ZNF730: variants seen among roughly 807,000 people sequenced by gnomAD.
ZNF730 encodes zinc finger protein 730.
Under a neutral mutation model 12.6 loss-of-function variants are expected in ZNF730, and 12 were observed. The ratio of observed to expected loss-of-function variants is 0.95; its 90% CI spans 0.61 to 1.54. The LOEUF (loss-of-function observed/expected upper bound fraction) is 1.54. Ranked by LOEUF, ZNF730 falls within the 40% of genes most tolerant of loss-of-function variation. The probability of loss-of-function intolerance (pLI) is 0.00; values close to 1 mark genes in which losing one functional copy is unlikely to be tolerated. For synonymous variants in ZNF730, 194 were observed against 195.8 expected (o/e 0.99, Z 0.08); for missense variants, 643 against 583.5 (o/e 1.10, Z -1.05).
chr19:23,115,231 G>A (rs1970504754), upstream of ZNF730, among the ~76,000 whole-genome samples: 1 of 152,120 alleles, frequency 6.6e-6, no homozygotes, highest in Admixed American at 6.5e-5. Context: ...TTTGATCTAT[G>A]GAGGTGCCTG....
upstream of ZNF730, among the ~76,000 whole-genome samples, chr19:23,112,938 CT>C (rs1970475553): frequency 2.0e-5 from 3 of 152,142 alleles, no homozygotes; most frequent in East Asian, 1.9e-4. Flanking sequence ...TTTTTTCCCC[CT>C]GGTTTAGAGT....
At chr19:23,128,183 C>G (rs2145636426) in intron 1 of ZNF730, 2 of 830,312 alleles carry the variant, frequency 2.4e-6, no homozygotes, top group East Asian at 4.9e-5. Context: ...GGAGGCTTGT[C>G]TATCCCTCAC....
chr19:23,127,177 T>G, intron 1 of ZNF730: 1 of 553,940 alleles, frequency 1.8e-6, no homozygotes, highest in Non-Finnish European at 3.5e-6. Context: ...AAAGAAATTA[T>G]CTACATCCTT....
At chr19:23,110,924 AG>A (rs991143106) in intron 1 of ZNF730, among the ~76,000 whole-genome samples, 6 of 152,236 alleles carry the variant, frequency 3.9e-5, no homozygotes, top group African/African-American at 1.4e-4. Flanking sequence ...CTGTGGCCTA[AG>A]TCAAATTACC....
intron 1 of ZNF730, among the ~76,000 whole-genome samples, chr19:23,108,539 C>T (rs938341063): frequency 1.4e-5 from 2 of 147,716 alleles, no homozygotes; most frequent in Non-Finnish European, 3.0e-5. Context: ...AAATACTTTG[C>T]TAAACTGCAA....
upstream of ZNF730, among the ~76,000 whole-genome samples, chr19:23,116,319 C>CTTTTCT (rs766508444): frequency 3.5e-5 from 1 of 28,828 alleles, no homozygotes; most frequent in Non-Finnish European, 1.2e-4. Flanking sequence ...CTTTTCTTTT[C>CTTTTCT]TTTTCTTTCT....
Position 23,117,254 on chromosome 19 carries a change from C to G in ZNF730, c.3+78C>G, listed in dbSNP as rs368865650. Reference sequence around the variant, plus strand: ...GGTGGGAAGCGGCTGTGGCGGGACCCAGGCCTCCCCGCAGTCAGCTTCACA... The same window carrying G: ...GGTGGGAAGCGGCTGTGGCGGGACCGAGGCCTCCCCGCAGTCAGCTTCACA... On this transcript the variant is annotated intron_variant, in intron 1 of 3. Coordinates refer to ENST00000597761, the MANE Select transcript of ZNF730 (RefSeq NM_001277403.2). 1.7e-3 allele frequency: 2,800 copies of G among 1,609,006 alleles called. 50 individuals are homozygous for G. The African/African-American group carries it at 0.031, about 18-fold the overall frequency.
intron 1 of ZNF730, among the ~76,000 whole-genome samples, chr19:23,101,017 A>G (rs1970330401): frequency 6.6e-6 from 1 of 152,168 alleles, no homozygotes; most frequent in South Asian, 2.1e-4. Flanking sequence ...CTAAACCAAT[A>G]GTTTAGTTTA....
chr19:23,092,959 A>G (rs753758315), intron 1 of ZNF730, among the ~76,000 whole-genome samples: 16 of 152,048 alleles, frequency 1.1e-4, no homozygotes, highest in Non-Finnish European at 2.1e-4. Flanking sequence ...TGAGTTAGGG[A>G]GAAGTCCCTT....
intron 1 of ZNF730, among the ~76,000 whole-genome samples, chr19:23,131,311 T>C (rs2145649131): frequency 6.6e-6 from 1 of 152,352 alleles, no homozygotes; most frequent in South Asian, 2.1e-4. Context: ...TACTGGGAAT[T>C]ATTGAACACT....
rs184018416 is a variant in ZNF730 at position 23,143,578 on chromosome 19, T to C, written c.227-1693T>C. The stretch of plus-strand genomic sequence containing the variant: ...TCCTTTTATTTTCCGTTTCAGGAAC[T>C]GCTTTCAGCATCTTTTATATGTTTG... On this transcript the variant is annotated intron_variant, in intron 3 of 3. Coordinates refer to ENST00000597761, the MANE Select transcript of ZNF730 (RefSeq NM_001277403.2). The C allele has an allele frequency of 6.8e-4, 104 of 152,384 alleles. 1 individual carries two copies. The highest frequency in any genetic ancestry group is 2.4e-3 in the African/African-American group (99 of 41,598). 9.4% of individuals were successfully genotyped at this position (152,384 alleles called of 1,614,324 possible).
intron 3 of ZNF730, among the ~76,000 whole-genome samples, chr19:23,136,803 A>T (rs1476450788): frequency 2.6e-5 from 4 of 151,322 alleles, no homozygotes; most frequent in Non-Finnish European, 5.9e-5. Context: ...TAAATTTTGG[A>T]ATTGTATTTT....
In ZNF730 at chr19:23,145,602, A is replaced by C; in HGVS notation, c.558A>C (p.Ser186=). 6.5e-7 allele frequency: 1 copy of C among 1,544,784 alleles called. No homozygotes were observed. The change falls in exon 4 of 4, where the codon TCA becomes TCC. Residue 186 remains serine, a synonymous_variant. Coordinates refer to ENST00000597761, the MANE Select transcript of ZNF730 (RefSeq NM_001277403.2). ...GTGGAAAATTATTTTGCATTCTTTC[A>C]CACTTAGCTCAACATAAAAAAATTC... ...KECGKLFCIL[S]HLAQHKKIHT...
chr19:23,130,529 T>C (rs905500848), intron 1 of ZNF730, among the ~76,000 whole-genome samples: 69 of 152,208 alleles, frequency 4.5e-4, no homozygotes, highest in African/African-American at 1.7e-3. Flanking sequence ...TTCGGCCATG[T>C]TCTTTATATT....
intron 1 of ZNF730, among the ~76,000 whole-genome samples, chr19:23,104,449 T>C (rs1042968895): frequency 6.6e-6 from 1 of 152,164 alleles, no homozygotes; most frequent in African/African-American, 2.4e-5. Flanking sequence ...CTGATCCTTG[T>C]TTAATTTTTT....
chr19:23,146,883 C>G lies in ZNF730; in HGVS notation c.*327C>G, dbSNP rs1971023853. 4.9e-6 allele frequency: 3 copies of G among 608,332 alleles called. No individual in the cohort carries two copies. Among genetic ancestry groups the G allele is most frequent in the Middle Eastern group, 2.7e-4 (1 of 3,692 alleles). 37.7% of individuals were successfully genotyped at this position (608,332 alleles called of 1,614,324 possible). ...ACATGATTCATACCAGAGAGAAACT[C>G]TACAAACCTGAAAGTTTTAACAGTG... On this transcript the variant is annotated 3_prime_UTR_variant, in exon 4 of 4. Transcript: ENST00000597761.
intron 1 of ZNF730, among the ~76,000 whole-genome samples, chr19:23,121,208 T>C (rs1288619347): frequency 6.6e-6 from 1 of 152,176 alleles, no homozygotes; most frequent in East Asian, 1.9e-4. Context: ...AGATGTCTAT[T>C]AGGACTATTT....
intron 1 of ZNF730, among the ~76,000 whole-genome samples, chr19:23,086,670 C>T (rs1970068452): frequency 6.6e-6 from 1 of 152,138 alleles, no homozygotes; most frequent in Admixed American, 6.5e-5. Context: ...CAGTACCATG[C>T]TGTTTTAGTT....
At chr19:23,094,906 T>G (rs894801647) in intron 1 of ZNF730, 2 of 153,298 alleles carry the variant, frequency 1.3e-5, no homozygotes, top group African/African-American at 4.8e-5. Flanking sequence ...ATCAAACTCC[T>G]TGGCTCCATC....
Sources: allele counts gnomAD v4.1 joint callset (sites outside exome capture counted in the v4.1 genomes callset), GRCh38; gene constraint gnomAD v4.1.1; transcripts MANE v1.5; gene names NCBI Gene and HGNC (gene_info 2026-07-23, HGNC 2026-07-21).